HSD17B6: variants seen among roughly 807,000 people sequenced by gnomAD.
HSD17B6 encodes 17-beta-hydroxysteroid dehydrogenase type 6.
Under a neutral mutation model 26.4 loss-of-function variants are expected in HSD17B6, and 16 were observed. The observed-to-expected ratio is 0.61, with a 90% CI of 0.41 to 0.92. The LOEUF (loss-of-function observed/expected upper bound fraction) is 0.92. Among genes scored for constraint, HSD17B6 ranks in the 40% least tolerant of loss-of-function variants. HSD17B6 has a pLI of 0.00. For synonymous variants in HSD17B6, 139 were observed against 153.0 expected, an observed-to-expected ratio of 0.91 and a Z score of 0.68; for missense variants, 357 against 386.1, an observed-to-expected ratio of 0.92 and a Z score of 0.63.
At chr12:56,769,104 T>TG (rs1954411811) in intron 1 of HSD17B6, among the ~76,000 whole-genome samples, 2 of 25,930 alleles carry the variant, frequency 7.7e-5, no homozygotes. Context: ...CTTTTCAAGG[T>TG]TTTTTTTTTT....
At chr12:56,769,634 A>G (rs569770183) in intron 1 of HSD17B6, among the ~76,000 whole-genome samples, 1 of 152,372 alleles carries the variant, frequency 6.6e-6, no homozygotes, top group Non-Finnish European at 1.5e-5. Flanking sequence ...CTTATTTACC[A>G]TAGCAGGAAG....
At chr12:56,763,482 T>TGTGTGTG (rs56137215) in intron 1 of HSD17B6, 68 bp downstream of exon 1, 1 of 122,300 alleles carries the variant, frequency 8.2e-6, no homozygotes, top group Non-Finnish European at 1.8e-5. Context: ...TGTGTGTGTG[T>TGTGTGTG]AGGGGATATG....
intron 2 of HSD17B6, among the ~76,000 whole-genome samples, chr12:56,780,649 G>A (rs562811896): frequency 4.5e-4 from 68 of 152,094 alleles, no homozygotes; most frequent in African/African-American, 1.6e-3. Flanking sequence ...ACGAGGTCAG[G>A]AGATCGAGAC....
chr12:56,783,693 A>G (rs1954796243), intron 3 of HSD17B6, among the ~76,000 whole-genome samples: 1 of 103,042 alleles, frequency 9.7e-6, no homozygotes, highest in Non-Finnish European at 1.9e-5. Context: ...CGGGGGGCTG[A>G]CCCCCCTCAC....
intron 3 of HSD17B6, among the ~76,000 whole-genome samples, chr12:56,783,279 C>A (rs1265587732): frequency 2.7e-5 from 4 of 149,360 alleles, no homozygotes; most frequent in Non-Finnish European, 4.5e-5. Context: ...GACCCCCCCA[C>A]CTCCCTCCCG....
chr12:56,782,232 G>A lies in HSD17B6; in HGVS notation c.572G>A (p.Arg191Lys). ...GTGGAAGCCTTTTCAGATATTCTGA[G>A]GTAACTTAAGTTAAAACAAAAACAG... ...YGVEAFSDIL[R>K]REIQHFGVKI... The change falls in exon 3 of 5, where the codon AGG (arginine) becomes AAG (lysine). Residue 191 changes from arginine to lysine, a missense_variant and splice_region_variant. Physicochemically the swap from Arg to Lys is conservative, Grantham distance 26 (BLOSUM62 2). Transcript: ENST00000322165. 6.2e-7 allele frequency: 1 copy of A among 1,612,634 alleles called. No individual in the cohort carries two copies. Among genetic ancestry groups the A allele is most frequent in the Non-Finnish European group, 8.5e-7 (1 of 1,179,422 alleles).
chr12:56,767,477 A>C (rs1259029678), intron 1 of HSD17B6, among the ~76,000 whole-genome samples: 2 of 151,032 alleles, frequency 1.3e-5, no homozygotes, highest in African/African-American at 2.4e-5. Flanking sequence ...AGATCGCGCT[A>C]CTGCACTCCA....
intron 1 of HSD17B6, among the ~76,000 whole-genome samples, chr12:56,767,227 A>G (rs1954348218): frequency 6.6e-6 from 1 of 152,006 alleles, no homozygotes; most frequent in Non-Finnish European, 1.5e-5. Context: ...ATAATTGCAT[A>G]CACTGCCAGG....
intron 1 of HSD17B6, among the ~76,000 whole-genome samples, chr12:56,765,267 T>C (rs562259395): frequency 6.6e-6 from 1 of 152,000 alleles, no homozygotes; most frequent in South Asian, 2.1e-4. Context: ...AAACCTTGTC[T>C]TTACTAAAAA....
chr12:56,785,899 C>G, intron 4 of HSD17B6: 1 of 966,952 alleles, frequency 1.0e-6, no homozygotes, highest in Non-Finnish European at 1.2e-6. Flanking sequence ...TTCTCTTGTT[C>G]AGGTGATAGG....
In HSD17B6 at chr12:56,774,116, G is replaced by C. The variant is rs1041681264; in HGVS notation, c.264G>C (p.Glu88Asp). 1.2e-6 allele frequency: 2 copies of C among 1,603,164 alleles called. No homozygotes were observed. Among genetic ancestry groups the C allele is most frequent in the Non-Finnish European group, 1.7e-6 (2 of 1,172,792 alleles). ...ETVTLDVTKMESIAAATQWVK... is the reference protein window; with the variant it reads ...ETVTLDVTKMDSIAAATQWVK... ...TGACCCTGGATGTTACCAAGATGGA[G>C]AGCATCGCTGCAGCTACTCAGTGGG... is the stretch of plus-strand genomic sequence containing the variant. The change falls in exon 2 of 5, where the codon GAG becomes GAC. Residue 88 changes from glutamate to aspartate, a missense_variant. By Grantham distance (45) the Glu-to-Asp change is conservative. Transcript: ENST00000322165.
intron 1 of HSD17B6, among the ~76,000 whole-genome samples, chr12:56,763,623 A>C (rs542069326): frequency 5.9e-5 from 9 of 152,128 alleles, no homozygotes; most frequent in African/African-American, 2.2e-4. Flanking sequence ...ACTCCCATGA[A>C]GTTTGGGAGA....
chr12:56,770,389 T>C (rs1393343399), intron 1 of HSD17B6: 8 of 152,480 alleles, frequency 5.2e-5, no homozygotes, highest in South Asian at 2.1e-4. Context: ...CCACTGAAGA[T>C]TGGCTTCTGT....
intron 1 of HSD17B6, 127 bp from the exon 2 acceptor site, chr12:56,773,707 T>G: frequency 1.1e-6 from 1 of 873,832 alleles, no homozygotes; most frequent in Non-Finnish European, 1.6e-6. Flanking sequence ...CCCTTGAGGG[T>G]AGGACTAAGT....
chr12:56,777,365 ATT>A (rs60596799), intron 2 of HSD17B6, among the ~76,000 whole-genome samples: 1,949 of 138,908 alleles, frequency 0.014, 54 homozygotes, highest in African/African-American at 0.052. Flanking sequence ...CAAAGTGTAA[ATT>A]TTTTTTTTTT....
At chr12:56,768,342 C>T (rs748771583) in intron 1 of HSD17B6, among the ~76,000 whole-genome samples, 2 of 151,784 alleles carry the variant, frequency 1.3e-5, no homozygotes, top group African/African-American at 4.8e-5. Flanking sequence ...GCAAGGAGCT[C>T]GTGGGTGGCA....
intron 2 of HSD17B6, among the ~76,000 whole-genome samples, chr12:56,775,369 C>T (rs1954570059): frequency 6.6e-6 from 1 of 152,096 alleles, no homozygotes; most frequent in Admixed American, 6.6e-5. Flanking sequence ...AAGCGGTTGC[C>T]ACCATGCCTG....
At chr12:56,768,566 G>A (rs1954396132) in intron 1 of HSD17B6, among the ~76,000 whole-genome samples, 1 of 152,104 alleles carries the variant, frequency 6.6e-6, no homozygotes, top group South Asian at 2.1e-4. Context: ...TTGTGGGTAG[G>A]AATTAGAGTG....
At chr12:56,784,508 C>T (rs943945753) in intron 3 of HSD17B6, among the ~76,000 whole-genome samples, 8 of 152,176 alleles carry the variant, frequency 5.3e-5, no homozygotes, top group African/African-American at 1.9e-4. Flanking sequence ...AACCCCGTCT[C>T]CACCAAAAAA....
Sources: gnomAD v4.1 joint callset for allele counts (sites outside exome capture counted in the v4.1 genomes callset) on GRCh38, gnomAD v4.1.1 for gene constraint, MANE v1.5 for transcripts, NCBI Gene and HGNC (gene_info 2026-07-23, HGNC 2026-07-21) for gene names.